The following PEPD variants were observed in gnomAD, a reference collection of about 807,000 sequenced individuals.
PEPD encodes the protein xaa-Pro dipeptidase.
Under a neutral mutation model 60.7 loss-of-function variants are expected in PEPD, and 53 were observed. That is an observed-to-expected ratio of 0.87 (90% CI 0.70 to 1.10). The LOEUF (loss-of-function observed/expected upper bound fraction) is 1.10. Among genes scored for constraint, PEPD ranks in the 50% least tolerant of loss-of-function variants. PEPD has a pLI of 0.00. For synonymous variants in PEPD, 267 were observed against 284.1 expected, an observed-to-expected ratio of 0.94 and a Z score of 0.60; for missense variants, 711 against 711.9, an observed-to-expected ratio of 1.00 and a Z score of 0.01.
chr19:33,456,000 C>A (rs1969791073), intron 9 of PEPD, among the ~76,000 whole-genome samples: 1 of 152,214 alleles, frequency 6.6e-6, no homozygotes, highest in African/African-American at 2.4e-5. Context: ...CCAGGTTACA[C>A]ATTTGCAGAA....
chr19:33,506,101 C>T (rs1027589821), intron 3 of PEPD, among the ~76,000 whole-genome samples: 65 of 142,910 alleles, frequency 4.5e-4, no homozygotes, highest in African/African-American at 1.6e-3. Context: ...CAGACACCCA[C>T]ACACACCCTC....
At chr19:33,499,371 G>T (rs1370027822) in intron 4 of PEPD, among the ~76,000 whole-genome samples, 1 of 152,162 alleles carries the variant, frequency 6.6e-6, no homozygotes, top group Non-Finnish European at 1.5e-5. Context: ...GCTCTTCCAG[G>T]GATCTCTGCC....
intron 9 of PEPD, among the ~76,000 whole-genome samples, chr19:33,422,881 CATCT>C (rs1969058640): frequency 1.4e-5 from 2 of 146,724 alleles, no homozygotes; most frequent in Non-Finnish European, 3.0e-5. Flanking sequence ...TCCACCCATC[CATCT>C]ATTCCTCTAT....
intron 9 of PEPD, among the ~76,000 whole-genome samples, chr19:33,426,424 T>G (rs1969150173): frequency 6.6e-6 from 1 of 152,264 alleles, no homozygotes; most frequent in African/African-American, 2.4e-5. Context: ...CTCTGGAAAG[T>G]GCTGTTTCCT....
rs906879187 is a variant in PEPD at position 33,431,992 on chromosome 19, C to CAAAAAAAAAAAAAAAAAAAAAAAAAAAAA, written c.672-18350_672-18349insTTTTTTTTTTTTTTTTTTTTTTTTTTTTT. On this transcript the variant is annotated intron_variant, in intron 9 of 14. Coordinates refer to ENST00000244137, the MANE Select transcript of PEPD (RefSeq NM_000285.4). ...TGGGTAACAGAGCAAGACACCACCT[C>CAAAAAAAAAAAAAAAAAAAAAAAAAAAAA]AAAAAAAAAAAAAAAAAAGGGAAGA... is the stretch of plus-strand genomic sequence containing the variant. Among the ~76,000 whole-genome samples, 14 of 77,862 alleles carry CAAAAAAAAAAAAAAAAAAAAAAAAAAAAA rather than the reference C, an allele frequency of 1.8e-4. 1 individual carries two copies. The highest frequency in any genetic ancestry group is 3.3e-4 in the African/African-American group (7 of 21,106). 51.1% of individuals were successfully genotyped at this position (77,862 alleles called of 152,430 possible). A position where few individuals can be genotyped will look rare whatever the true frequency, so the allele number is the denominator to read the frequency against.
chr19:33,491,990 G>A (rs552051310), intron 5 of PEPD, among the ~76,000 whole-genome samples: 1 of 151,448 alleles, frequency 6.6e-6, no homozygotes, highest in East Asian at 1.9e-4. Context: ...CTAATTAGAC[G>A]GGGAGGAAAG....
chr19:33,482,001 TAGAG>T (rs916313860), intron 6 of PEPD, among the ~76,000 whole-genome samples: 8 of 152,042 alleles, frequency 5.3e-5, no homozygotes, highest in African/African-American at 1.7e-4. Context: ...GCCTGGGAGA[TAGAG>T]AGACTCCATC....
At chr19:33,454,558 T>A (rs1969760639) in intron 9 of PEPD, among the ~76,000 whole-genome samples, 1 of 151,174 alleles carries the variant, frequency 6.6e-6, no homozygotes, top group Admixed American at 6.6e-5. Context: ...GCCGAGATTG[T>A]ACCACTGCAC....
intron 13 of PEPD, among the ~76,000 whole-genome samples, chr19:33,389,937 T>TGTGG (rs1968173834): frequency 6.6e-6 from 1 of 152,210 alleles, no homozygotes; most frequent in Admixed American, 6.5e-5. Flanking sequence ...CGCAGAGCCA[T>TGTGG]GTGGGGAGGG....
chr19:33,399,304 T>C (rs1183882158), intron 12 of PEPD, among the ~76,000 whole-genome samples: 2 of 152,224 alleles, frequency 1.3e-5, no homozygotes, highest in African/African-American at 4.8e-5. Flanking sequence ...AGCAAAGCAA[T>C]TCCGCAGAAA....
chr19:33,457,192 G>A (rs1423983767), intron 9 of PEPD, among the ~76,000 whole-genome samples: 1 of 151,930 alleles, frequency 6.6e-6, no homozygotes, highest in Admixed American at 6.6e-5. Flanking sequence ...AGCACTGTGG[G>A]AGACCAAGGC....
chr19:33,489,224 T>A (rs1417327754), intron 6 of PEPD, among the ~76,000 whole-genome samples: 1 of 152,058 alleles, frequency 6.6e-6, no homozygotes, highest in African/African-American at 2.4e-5. Context: ...AGCCTGGCGC[T>A]TGGTTAAGAG....
chr19:33,514,422 C>T (rs904152852), intron 1 of PEPD, among the ~76,000 whole-genome samples: 1 of 152,074 alleles, frequency 6.6e-6, no homozygotes, highest in African/African-American at 2.4e-5. Context: ...ACACCTCCTG[C>T]ACATCTTGGC....
At chr19:33,495,395 G>A (rs957453591) in intron 4 of PEPD, among the ~76,000 whole-genome samples, 1 of 151,304 alleles carries the variant, frequency 6.6e-6, no homozygotes, top group Non-Finnish European at 1.5e-5. Context: ...CTACTCAGGA[G>A]GCTGAGGCAG....
At chr19:33,520,064 CAA>C (rs74174670) in intron 1 of PEPD, among the ~76,000 whole-genome samples, 7 of 134,578 alleles carry the variant, frequency 5.2e-5, no homozygotes, top group Admixed American at 7.5e-5. Flanking sequence ...AACTACGTCT[CAA>C]AAAAAAAAAA....
At chr19:33,393,197 C>T (rs146668360) in intron 12 of PEPD, among the ~76,000 whole-genome samples, 46 of 140,232 alleles carry the variant, frequency 3.3e-4, no homozygotes, top group Admixed American at 1.6e-3. Context: ...GAGGCCGTCC[C>T]GGGGTCTGGG....
At chr19:33,391,627 C>A in intron 12 of PEPD, 148 bp from the exon 13 acceptor site, 1 of 749,638 alleles carries the variant, frequency 1.3e-6, no homozygotes, top group South Asian at 1.5e-5. Context: ...ACATCGGGGG[C>A]CCAGGGGGAC....
chr19:33,512,152 C>T (rs981447482), intron 2 of PEPD, among the ~76,000 whole-genome samples: 3 of 152,208 alleles, frequency 2.0e-5, no homozygotes, highest in Non-Finnish European at 4.4e-5. Context: ...GGGGAGAAAA[C>T]AGCACTAGAT....
At chr19:33,431,794 A>G (rs944248994) in intron 9 of PEPD, among the ~76,000 whole-genome samples, 2 of 151,890 alleles carry the variant, frequency 1.3e-5, no homozygotes, top group African/African-American at 4.8e-5. Flanking sequence ...GGAGTTCAAG[A>G]CCAGCCTGGC....
Sources: allele counts gnomAD v4.1 joint callset (sites outside exome capture counted in the v4.1 genomes callset), GRCh38; gene constraint gnomAD v4.1.1; transcripts MANE v1.5; gene names NCBI Gene and HGNC (gene_info 2026-07-23, HGNC 2026-07-21).